The following C12orf54 variants were observed in gnomAD, a reference collection of about 807,000 sequenced individuals.
C12orf54 encodes the protein uncharacterized protein C12orf54.
A neutral mutation model predicts 26.4 loss-of-function variants in C12orf54; 24 were observed. The ratio of observed to expected loss-of-function variants is 0.91; its 90% CI spans 0.66 to 1.28. The LOEUF (loss-of-function observed/expected upper bound fraction) is 1.28, where lower values mean the gene tolerates loss of function less well. Among genes scored for constraint, C12orf54 ranks in the 50% most tolerant of loss-of-function variants. The probability of loss-of-function intolerance (pLI) is 0.00; values close to 1 mark genes in which losing one functional copy is unlikely to be tolerated. For synonymous variants in C12orf54, 54 were observed against 47.0 expected (o/e 1.15, Z -0.61); for missense variants, 154 against 150.9 (o/e 1.02, Z -0.11).
the C12orf54 span, among the ~76,000 whole-genome samples, chr12:48,460,909 G>C: frequency 6.6e-6 from 1 of 151,986 alleles, no homozygotes; most frequent in Non-Finnish European, 1.5e-5. Context: ...AAAACAAAGA[G>C]TGAAATGAGA....
chr12:48,486,873 G>A, intron 4 of C12orf54, 147 bp downstream of exon 4: 2 of 780,566 alleles, frequency 2.6e-6, no homozygotes, highest in Non-Finnish European at 4.1e-6. Flanking sequence ...ACCTTGTTCT[G>A]TTGCTCGTGC....
At chr12:48,435,233 C>T in the C12orf54 span, among the ~76,000 whole-genome samples, 2 of 152,166 alleles carry the variant, frequency 1.3e-5, no homozygotes, top group African/African-American at 4.8e-5. Context: ...AAGAAACAAA[C>T]AAAGCCTCCA....
At chr12:48,495,118 A>G in intron 8 of C12orf54, 139 bp downstream of exon 8, 1 of 611,356 alleles carries the variant, frequency 1.6e-6, no homozygotes, top group East Asian at 2.9e-5. Flanking sequence ...AAGGGGCAAT[A>G]GGGTGAGAGG....
At chr12:48,435,518 C>T in the C12orf54 span, among the ~76,000 whole-genome samples, 16,571 of 152,170 alleles carry the variant, frequency 0.11, 937 homozygotes, top group Middle Eastern at 0.13. Flanking sequence ...AGAGAAAGGT[C>T]GGGTTACCCA....
the C12orf54 span, among the ~76,000 whole-genome samples, chr12:48,474,496 A>G: frequency 6.6e-6 from 1 of 152,170 alleles, no homozygotes; most frequent in Non-Finnish European, 1.5e-5. Context: ...TCCTAGTCCA[A>G]GAAAGGGGTG....
the C12orf54 span, among the ~76,000 whole-genome samples, chr12:48,425,467 C>G: frequency 2.1e-3 from 312 of 152,180 alleles, 3 homozygotes; most frequent in African/African-American, 7.1e-3. Flanking sequence ...TTTCTTTATC[C>G]AATCTGTCAT....
At chr12:48,495,761 A>G (rs1194514506) in intron 8 of C12orf54, among the ~76,000 whole-genome samples, 1 of 152,238 alleles carries the variant, frequency 6.6e-6, no homozygotes, top group Non-Finnish European at 1.5e-5. Context: ...TTTCTTGAAT[A>G]GTCCCCTTTC....
chr12:48,484,556 C>T (rs1954236533), intron 2 of C12orf54, among the ~76,000 whole-genome samples: 1 of 152,182 alleles, frequency 6.6e-6, no homozygotes, highest in Admixed American at 6.5e-5. Flanking sequence ...TTTGAAAAAA[C>T]TTAACAGTTA....
At chr12:48,434,361 G>A in the C12orf54 span, among the ~76,000 whole-genome samples, 1 of 152,158 alleles carries the variant, frequency 6.6e-6, no homozygotes, top group Non-Finnish European at 1.5e-5. Flanking sequence ...ACAAAAGACA[G>A]CAATAACCTC....
chr12:48,434,153 C>G, the C12orf54 span, among the ~76,000 whole-genome samples: 1 of 152,148 alleles, frequency 6.6e-6, no homozygotes, highest in Non-Finnish European at 1.5e-5. Flanking sequence ...ACCCATGGAG[C>G]CTCGCTCATT....
chr12:48,483,467 C>T, intron 2 of C12orf54, 106 bp downstream of exon 2: 1 of 1,001,906 alleles, frequency 1.0e-6, no homozygotes, highest in Non-Finnish European at 1.5e-6. Flanking sequence ...GCTTCACTTG[C>T]TTCCTGGCTG....
the C12orf54 span, among the ~76,000 whole-genome samples, chr12:48,476,522 A>G: frequency 3.3e-5 from 5 of 152,250 alleles, no homozygotes; most frequent in Non-Finnish European, 5.9e-5. Context: ...AGAGACACAC[A>G]TAGGCTCAAA....
At chr12:48,415,927 C>T in the C12orf54 span, among the ~76,000 whole-genome samples, 2 of 152,138 alleles carry the variant, frequency 1.3e-5, no homozygotes, top group Admixed American at 6.5e-5. Flanking sequence ...ATGTGCATGT[C>T]CCCGATTATC....
the C12orf54 span, among the ~76,000 whole-genome samples, chr12:48,431,015 G>C: frequency 6.6e-6 from 1 of 152,178 alleles, no homozygotes; most frequent in African/African-American, 2.4e-5. Context: ...GGTGAGACTG[G>C]AGACTATTAT....
the C12orf54 span, among the ~76,000 whole-genome samples, chr12:48,460,637 C>A: frequency 2.6e-5 from 4 of 152,052 alleles, no homozygotes; most frequent in Non-Finnish European, 5.9e-5. Context: ...TGCCATATGA[C>A]AACAATAATA....
chr12:48,474,970 T>C, the C12orf54 span, among the ~76,000 whole-genome samples: 3 of 152,202 alleles, frequency 2.0e-5, no homozygotes, highest in African/African-American at 7.2e-5. Flanking sequence ...CCCTGACCCC[T>C]GAGTAGCCTA....
At chr12:48,437,962 T>C in the C12orf54 span, among the ~76,000 whole-genome samples, 1 of 152,182 alleles carries the variant, frequency 6.6e-6, no homozygotes, top group South Asian at 2.1e-4. Flanking sequence ...GAAGTCAAAT[T>C]GTCCCTGTTT....
At chr12:48,421,849 G>T in the C12orf54 span, among the ~76,000 whole-genome samples, 2 of 152,084 alleles carry the variant, frequency 1.3e-5, no homozygotes, top group Non-Finnish European at 2.9e-5. Flanking sequence ...AATTATTGTT[G>T]TGAGTGGTTG....
the C12orf54 span, among the ~76,000 whole-genome samples, chr12:48,461,505 A>G: frequency 6.6e-6 from 1 of 151,932 alleles, no homozygotes; most frequent in African/African-American, 2.4e-5. Flanking sequence ...ATGTCTCAAT[A>G]AAATTTTTAA....
Sources: gnomAD v4.1 joint callset for allele counts (sites outside exome capture counted in the v4.1 genomes callset) on GRCh38, gnomAD v4.1.1 for gene constraint, MANE v1.5 for transcripts, NCBI Gene and HGNC (gene_info 2026-07-23, HGNC 2026-07-21) for gene names.